CCDC88A: variants seen among roughly 807,000 people sequenced by gnomAD.
The protein encoded by CCDC88A is coiled-coil and HOOK domain protein 88A, also known as girdin.
CCDC88A carries 54 observed loss-of-function variants against 234.3 expected under a neutral mutation model. The observed-to-expected ratio is 0.23, with a 90% CI of 0.19 to 0.29. The LOEUF (loss-of-function observed/expected upper bound fraction) is 0.29, where lower values mean the gene tolerates loss of function less well. Ranked by LOEUF, CCDC88A falls within the 10% of genes least tolerant of loss-of-function variation. CCDC88A has a pLI of 1.00. For missense variants in CCDC88A, 1,832 were observed against 2,123.4 expected, an observed-to-expected ratio of 0.86 and a Z score of 2.70; for synonymous variants, 753 against 737.8, an observed-to-expected ratio of 1.02 and a Z score of -0.33.
chr2:55,384,175 G>C (rs1163216894), intron 3 of CCDC88A, among the ~76,000 whole-genome samples: 1 of 151,546 alleles, frequency 6.6e-6, no homozygotes, highest in African/African-American at 2.4e-5. Flanking sequence ...GACAGACCTT[G>C]TTTCAATCAA....
chr2:55,317,146 C>CAT lies in CCDC88A; in HGVS notation c.3746+58_3746+59dup, dbSNP rs1435376646. ...AATTTTGAAAAAACATATATATACACATATATATGTATATACTTTCTATAT... is the reference window on the plus strand; with the variant it reads ...AATTTTGAAAAAACATATATATACACATATATATATGTATATACTTTCTATAT... On this transcript the variant is annotated intron_variant, in intron 21 of 32. Coordinates refer to ENST00000436346, the MANE Select transcript of CCDC88A (RefSeq NM_001365480.1). The surrounding 1 kb of genome is among the most constrained non-coding windows in gnomAD (Gnocchi z 4.2). 1 of 651,080 alleles carries CAT rather than the reference C, an allele frequency of 1.5e-6. No homozygotes were observed. The highest frequency in any genetic ancestry group is 2.2e-6 in the Non-Finnish European group (1 of 446,362). 40.3% of individuals were successfully genotyped at this position (651,080 alleles called of 1,614,324 possible). A position where few individuals can be genotyped will look rare whatever the true frequency, so the allele number is the denominator to read the frequency against.
chr2:55,386,061 A>G (rs1189663426), intron 3 of CCDC88A, among the ~76,000 whole-genome samples: 1 of 149,866 alleles, frequency 6.7e-6, no homozygotes, highest in African/African-American at 2.5e-5. Context: ...TGTCTCTACT[A>G]AAAATACAAA....
intron 27 of CCDC88A, 88 bp downstream of exon 27, chr2:55,301,784 G>A: frequency 9.0e-7 from 1 of 1,116,372 alleles, no homozygotes; most frequent in Non-Finnish European, 1.3e-6. Context: ...TCAGGTTGCT[G>A]CTTTTTAAAA....
In CCDC88A at chr2:55,289,272, G is replaced by A. The variant is rs1044852970; in HGVS notation, c.*1928C>T. ...TTGTTCTGGGATGTGTTCTAGTTGT[G>A]CAAATTAGATGCTAGCTAATATAAA... On this transcript the variant is annotated 3_prime_UTR_variant, in exon 33 of 33. Coordinates refer to ENST00000436346, the MANE Select transcript of CCDC88A (RefSeq NM_001365480.1). 1 of 152,542 alleles carries A rather than the reference G, an allele frequency of 6.6e-6. No individual in the cohort carries two copies. Among genetic ancestry groups the A allele is most frequent in the African/African-American group, 2.4e-5 (1 of 41,418 alleles). 9.4% of individuals were successfully genotyped at this position (152,542 alleles called of 1,614,324 possible). A position where few individuals can be genotyped will look rare whatever the true frequency, so the allele number is the denominator to read the frequency against.
intron 27 of CCDC88A, chr2:55,301,518 C>A (rs1442969422): frequency 2.0e-6 from 1 of 503,344 alleles, no homozygotes; most frequent in Non-Finnish European, 3.5e-6. Flanking sequence ...TCTGACCCTG[C>A]AAAGCAAAAC....
At chr2:55,379,318 T>C (rs892921370) in intron 3 of CCDC88A, among the ~76,000 whole-genome samples, 5 of 152,142 alleles carry the variant, frequency 3.3e-5, no homozygotes, top group African/African-American at 1.2e-4. Context: ...CAGGTCAAAG[T>C]TGATAATGCA....
At chr2:55,321,115 G>GAAAAAAAA (rs60858860) in intron 18 of CCDC88A, 1 of 105,956 alleles carries the variant, frequency 9.4e-6, no homozygotes. Flanking sequence ...TCTCAGAGAA[G>GAAAAAAAA]AAAAAAAAAA....
intron 2 of CCDC88A, chr2:55,405,416 C>G (rs1053772993): frequency 2.0e-5 from 3 of 152,096 alleles, no homozygotes; most frequent in African/African-American, 7.2e-5. Context: ...GAAACCCATA[C>G]AGATTAATGA....
chr2:55,369,513 G>C (rs1407797941), intron 5 of CCDC88A, among the ~76,000 whole-genome samples: 1 of 148,030 alleles, frequency 6.8e-6, no homozygotes, highest in Non-Finnish European at 1.5e-5. Flanking sequence ...GTGCAGTGGA[G>C]CCATCTCAGC....
rs1685505924 is a variant in CCDC88A, at chr2:55,336,787, T to A, written c.1550A>T (p.Glu517Val). 2.5e-6 allele frequency: 4 copies of A among 1,587,222 alleles called. No homozygotes were observed. Among genetic ancestry groups the A allele is most frequent in the Non-Finnish European group, 3.4e-6 (4 of 1,162,172 alleles). The part of the protein sequence containing the change: ...VEILENEIVQ[E>V]KQSLQNCQNL... ...CTGACAATTCTGAAGACTTTGCTTT[T>A]CTTGAACAATCTCATTTTCAAGAAT... The change falls in exon 14 of 33, where the codon GAA becomes GTA. Residue 517 changes from glutamate to valine, a missense_variant. By Grantham distance (121) the Glu-to-Val change is moderately radical (BLOSUM62 -2). This residue lies in a region of CCDC88A where 1,282 missense variants were observed against 1,543.6 expected (regional missense o/e 0.83). Transcript: ENST00000436346.
chr2:55,296,235 A>AG (rs1680017784), intron 30 of CCDC88A, 23 bp downstream of exon 30: 1 of 1,598,566 alleles, frequency 6.3e-7, no homozygotes, highest in Non-Finnish European at 8.5e-7. Flanking sequence ...ATCTAAATTA[A>AG]GGTCATCATA....
intron 3 of CCDC88A, among the ~76,000 whole-genome samples, chr2:55,380,198 T>C (rs1455610554): frequency 2.0e-5 from 3 of 151,654 alleles, no homozygotes; most frequent in African/African-American, 7.3e-5. Flanking sequence ...ATTGCACCAC[T>C]GCACTCCAGC....
At chr2:55,330,432 C>T (rs2104674406) in intron 16 of CCDC88A, among the ~76,000 whole-genome samples, 1 of 152,118 alleles carries the variant, frequency 6.6e-6, no homozygotes, top group Admixed American at 6.5e-5. Context: ...GAGATTGTGC[C>T]ACTGCACTCC....
chr2:55,394,472 G>T (rs1677179281), intron 2 of CCDC88A: 1 of 151,980 alleles, frequency 6.6e-6, no homozygotes, highest in South Asian at 2.1e-4. Context: ...GGGTCAAATG[G>T]TATTTCTAGT....
rs760298483 is a variant in CCDC88A at position 55,355,759 on chromosome 2, T to A, written c.628-8A>T. 21 of 1,602,342 alleles carry A rather than the reference T, an allele frequency of 1.3e-5. No individual in the cohort carries two copies. The highest frequency in any genetic ancestry group is 1.8e-5 in the Non-Finnish European group (21 of 1,170,446). ...AGAGAGTTCTATGATAGTCTAGAAA[T>A]ACACACAGAATCACTTTCAGTATTC... On this transcript the variant is annotated splice_polypyrimidine_tract_variant and splice_region_variant and intron_variant, in intron 7 of 32. Transcript: ENST00000436346.
At position 55,419,266 on chromosome 2, in the gene CCDC88A, C is replaced by T. The variant is rs1681956829; in HGVS notation, c.-187G>A. 3 of 570,310 alleles carry T rather than the reference C, an allele frequency of 5.3e-6. No individual in the cohort carries two copies. Among genetic ancestry groups the T allele is most frequent in the Non-Finnish European group, 9.4e-6 (3 of 320,290 alleles). The allele number at this position is 570,310 out of a possible 1,614,324, so 35.3% of individuals were successfully genotyped here. A position where few individuals can be genotyped will look rare whatever the true frequency, so the allele number is the denominator to read the frequency against. On this transcript the variant is annotated 5_prime_UTR_variant, in exon 1 of 33. Transcript: ENST00000436346. ...CCCAGAGTGAAACGAGCCGAAATCCCAAGAAGTGGCTTCGACGACGGACAC... is the reference window on the plus strand; with the variant it reads ...CCCAGAGTGAAACGAGCCGAAATCCTAAGAAGTGGCTTCGACGACGGACAC...
In CCDC88A at chr2:55,346,249, C is replaced by T. The variant is rs78022444; in HGVS notation, c.967G>A (p.Asp323Asn). ...CTGCTGACTTCACTTTCAAGCTTAT[C>T]GACTCTGACTGCTTTCTCTCGAAGT... is the stretch of plus-strand genomic sequence containing the variant. ...DALREKAVRV[D>N]KLESEVSRYK... Residue 323 changes from aspartate to asparagine, a missense_variant, in exon 10 of 33, where the codon GAT becomes AAT. Physicochemically the swap from Asp to Asn is conservative, Grantham distance 23. Transcript: ENST00000436346. 9.9e-6 allele frequency: 16 copies of T among 1,611,632 alleles called. No homozygotes were observed. Among genetic ancestry groups the T allele is most frequent in the East Asian group, 8.9e-5 (4 of 44,790 alleles).
At chr2:55,418,216 A>G (rs1681796446) in intron 2 of CCDC88A, 2 of 152,286 alleles carry the variant, frequency 1.3e-5, no homozygotes, top group South Asian at 4.1e-4. Flanking sequence ...AACCTGTAAG[A>G]ATACCTTAAA....
chr2:55,292,843 A>T (rs1041281660), intron 31 of CCDC88A: 1 of 152,276 alleles, frequency 6.6e-6, no homozygotes, highest in Non-Finnish European at 1.5e-5. Context: ...CCTAGGCTAC[A>T]GAGTGAGATT....
Sources: gnomAD v4.1 joint callset for allele counts (sites outside exome capture counted in the v4.1 genomes callset) on GRCh38, gnomAD v4.1.1 for gene constraint, gnomAD v4.1.1 regional missense constraint, Gnocchi (gnomAD v3.1) non-coding constraint, MANE v1.5 for transcripts, NCBI Gene and HGNC (gene_info 2026-07-23, HGNC 2026-07-21) for gene names.